LATS1: variants seen among roughly 807,000 people sequenced by gnomAD.
LATS1 encodes serine/threonine-protein kinase LATS1.
Under a neutral mutation model 106.6 loss-of-function variants are expected in LATS1, and 25 were observed. The ratio of observed to expected loss-of-function variants is 0.23; its 90% CI spans 0.17 to 0.33. The LOEUF is 0.33. Among genes scored for constraint, LATS1 ranks in the 10% least tolerant of loss-of-function variants. The probability of loss-of-function intolerance (pLI) is 1.00; values close to 1 mark genes in which losing one functional copy is unlikely to be tolerated. For synonymous variants in LATS1, 465 were observed against 455.6 expected (o/e 1.02, Z -0.26); for missense variants, 1,040 against 1,382.6 (o/e 0.75, Z 3.93).
Position 149,680,029 on chromosome 6 carries a change from G to A in LATS1, c.2439C>T (p.Thr813=), listed in dbSNP as rs1329595204. ...TTTTATGAACACTTTCAACTGCACA[G>A]GTAAGTTCTGCTATGTAGAATCGTG... ...SLARFYIAEL[T]CAVESVHKMG... Residue 813 remains threonine (T), a synonymous_variant, in exon 5 of 8, where the codon ACC becomes ACT. Coordinates refer to ENST00000543571, the MANE Select transcript of LATS1 (RefSeq NM_004690.4). 6.2e-7 allele frequency: 1 copy of A among 1,614,026 alleles called. No homozygotes were observed. Among genetic ancestry groups the A allele is most frequent in the Admixed American group, 1.7e-5 (1 of 59,988 alleles).
intron 3 of LATS1, among the ~76,000 whole-genome samples, chr6:149,689,971 T>TA (rs148115943): frequency 0.15 from 21,270 of 144,014 alleles, 1,976 homozygotes; most frequent in Non-Finnish European, 0.21. Context: ...AGTCTTTACT[T>TA]AAAAAAAAAA....
At chr6:149,701,018 G>A (rs1397057366) in intron 2 of LATS1, among the ~76,000 whole-genome samples, 1 of 152,172 alleles carries the variant, frequency 6.6e-6, no homozygotes, top group Admixed American at 6.6e-5. Context: ...CTTGACCTCA[G>A]ATGATCCACC....
At chr6:149,685,547 A>G (rs1439230151) in intron 3 of LATS1, among the ~76,000 whole-genome samples, 1 of 152,016 alleles carries the variant, frequency 6.6e-6, no homozygotes, top group Non-Finnish European at 1.5e-5. Flanking sequence ...CACCACGCCC[A>G]GCTAACTTTT....
At chr6:149,669,135 A>G (rs1224982645) in intron 7 of LATS1, among the ~76,000 whole-genome samples, 4 of 150,240 alleles carry the variant, frequency 2.7e-5, no homozygotes, top group Admixed American at 1.3e-4. Flanking sequence ...ATAAGGATTG[A>G]TTGATTGATT....
intron 7 of LATS1, chr6:149,675,898 TG>T (rs1460945013): frequency 4.5e-6 from 1 of 223,442 alleles, no homozygotes; most frequent in African/African-American, 2.3e-5. Context: ...ATGAGTATGC[TG>T]TATGAGTGAG....
intron 2 of LATS1, among the ~76,000 whole-genome samples, chr6:149,700,367 G>A (rs900600941): frequency 2.0e-5 from 3 of 152,062 alleles, no homozygotes; most frequent in African/African-American, 7.2e-5. Flanking sequence ...CAGCTACTCG[G>A]GAGGCTGAGG....
rs374395780 is a variant in LATS1 at position 149,695,158 on chromosome 6, T to C, written c.412A>G (p.Ile138Val). 1.2e-6 allele frequency: 2 copies of C among 1,612,310 alleles called. No homozygotes were observed. The highest frequency in any genetic ancestry group is 2.7e-5 in the African/African-American group (2 of 74,988). ...GGATCTTGGTAACTCATTTTACTAA[T>C]GAATTCAATTGCTGCTTCTATACTT... ...NRSIEAAIEF[I>V]SKMSYQDPRR... is the part of the protein sequence containing the mutation. The change falls in exon 3 of 8, where the codon ATT becomes GTT. Residue 138 changes from isoleucine (I) to valine (V), a missense_variant. Ile to Val is a conservative substitution (Grantham distance 29). This residue lies in a region of LATS1 where 624 missense variants were observed against 714.8 expected (regional missense o/e 0.87). Coordinates refer to ENST00000543571, the MANE Select transcript of LATS1 (RefSeq NM_004690.4).
chr6:149,673,339 T>C (rs968413909), intron 7 of LATS1, among the ~76,000 whole-genome samples: 47 of 151,726 alleles, frequency 3.1e-4, no homozygotes, highest in Admixed American at 1.3e-4. Context: ...GCTCAAGCAA[T>C]CCACCCGCCT....
At chr6:149,696,329 G>A (rs1783062962) in intron 2 of LATS1, among the ~76,000 whole-genome samples, 1 of 150,472 alleles carries the variant, frequency 6.6e-6, no homozygotes, top group Admixed American at 6.6e-5. Flanking sequence ...AGCACTCTGG[G>A]AGGCCGAGGC....
At chr6:149,716,146 T>C (rs201191628) in intron 1 of LATS1, 1 of 151,892 alleles carries the variant, frequency 6.6e-6, no homozygotes, top group East Asian at 1.9e-4. Context: ...AAAAAAATGA[T>C]ACCATTACAT....
chr6:149,704,887 TACACACACACACACACACACACAC>T (rs57029776), intron 1 of LATS1, among the ~76,000 whole-genome samples: 2 of 139,798 alleles, frequency 1.4e-5, no homozygotes, highest in African/African-American at 2.7e-5. Context: ...AAATTAATTA[TACACACACACACACACACACACAC>T]ACACACACAC....
rs769516965 is a variant in LATS1 at position 149,662,121 on chromosome 6, C to A, written c.3001G>T (p.Ala1001Ser). 2 of 1,613,972 alleles carry A rather than the reference C, an allele frequency of 1.2e-6. No homozygotes were observed. The highest frequency in any genetic ancestry group is 2.7e-5 in the African/African-American group (2 of 74,908). ...GPEDRLGKNG[A>S]DEIKAHPFFK... Reference sequence around the variant, plus strand: ...AATGGATGAGCTTTTATTTCATCAGCACCATTCTTGCCTAAGCGATCTTCG... The same window carrying A: ...AATGGATGAGCTTTTATTTCATCAGAACCATTCTTGCCTAAGCGATCTTCG... The change falls in exon 8 of 8, where the codon GCT (alanine) becomes TCT (serine). Residue 1001 changes from alanine to serine, a missense_variant. Around this residue, in one of 7 missense-constraint regions of LATS1, gnomAD observed 113 missense variants for 146.3 expected, o/e 0.77. Coordinates refer to ENST00000543571, the MANE Select transcript of LATS1 (RefSeq NM_004690.4).
At position 149,683,603 on chromosome 6, in the gene LATS1, G is replaced by C. The variant is rs569899538; in HGVS notation, c.1486C>G (p.Gln496Glu). 1.9e-6 allele frequency: 3 copies of C among 1,614,242 alleles called. No homozygotes were observed. In the South Asian group the frequency reaches 3.3e-5, roughly 18 times the overall value. Residue 496 changes from glutamine to glutamate, a missense_variant, in exon 4 of 8, where the codon CAG becomes GAG. Physicochemically the swap from Gln to Glu is conservative, Grantham distance 29 (BLOSUM62 2). Around this residue, in one of 7 missense-constraint regions of LATS1, gnomAD observed 624 missense variants for 714.8 expected, o/e 0.87. Transcript: ENST00000543571. Reference sequence around the variant, plus strand: ...AATACACGCATACTTTTCACAGGCTGTTGAATAGGAGCTGGTGTAATTGCA... The same window carrying C: ...AATACACGCATACTTTTCACAGGCTCTTGAATAGGAGCTGGTGTAATTGCA... Reference protein sequence around the residue: ...VTAITPAPIQQPVKSMRVLKP... With the variant: ...VTAITPAPIQEPVKSMRVLKP...
In LATS1 at chr6:149,659,076, T is replaced by C. The variant is rs1780797123; in HGVS notation, c.*2653A>G. The C allele has an allele frequency of 6.4e-6, 1 of 155,320 alleles. No individual in the cohort carries two copies. The highest frequency in any genetic ancestry group is 2.1e-4 in the South Asian group (1 of 4,868). The allele number at this position is 155,320 out of a possible 1,614,324, so 9.6% of individuals were successfully genotyped here. A position where few individuals can be genotyped will look rare whatever the true frequency, so the allele number is the denominator to read the frequency against. ...TGTAGTTTTGGAATAAGATAGCTGA[T>C]AAGTATATCCAAACTGTTAAAATTG... On this transcript the variant is annotated 3_prime_UTR_variant, in exon 8 of 8. Transcript: ENST00000543571.
At position 149,660,846 on chromosome 6, in the gene LATS1, T is replaced by C. The variant is rs1294336094; in HGVS notation, c.*883A>G. ...GTTCTGAAAGAGGAAACAGGTAACA[T>C]TGATGATATAATCAAAATAGTTACT... On this transcript the variant is annotated 3_prime_UTR_variant, in exon 8 of 8. Transcript: ENST00000543571. The C allele has an allele frequency of 4.7e-6, 1 of 212,566 alleles. No individual in the cohort carries two copies. Among genetic ancestry groups the C allele is most frequent in the Non-Finnish European group, 9.5e-6 (1 of 104,864 alleles). The allele number at this position is 212,566 out of a possible 1,614,324, so 13.2% of individuals were successfully genotyped here. A position where few individuals can be genotyped will look rare whatever the true frequency, so the allele number is the denominator to read the frequency against.
At chr6:149,675,478 T>C (rs1582857817) in intron 7 of LATS1, among the ~76,000 whole-genome samples, 5 of 152,076 alleles carry the variant, frequency 3.3e-5, no homozygotes, top group Admixed American at 6.5e-5. Context: ...GTAGTTTGCA[T>C]AGAAGGAGAC....
chr6:149,708,035 A>G (rs1783885459), intron 1 of LATS1, among the ~76,000 whole-genome samples: 1 of 152,226 alleles, frequency 6.6e-6, no homozygotes, highest in Admixed American at 6.5e-5. Flanking sequence ...AAAAAAGGAA[A>G]GGAAATGACT....
chr6:149,662,984 A>G (rs1478472639), intron 7 of LATS1, among the ~76,000 whole-genome samples: 4 of 151,386 alleles, frequency 2.6e-5, no homozygotes, highest in Admixed American at 6.6e-5. Context: ...AAAAAAAAAA[A>G]AAAGAAAAAT....
At chr6:149,667,679 C>CTT (rs1482447386) in intron 7 of LATS1, among the ~76,000 whole-genome samples, 1 of 152,018 alleles carries the variant, frequency 6.6e-6, no homozygotes, top group Non-Finnish European at 1.5e-5. Flanking sequence ...TGATCAAACA[C>CTT]ATAAACCTAC....
Sources: gnomAD v4.1 joint callset for allele counts (sites outside exome capture counted in the v4.1 genomes callset) on GRCh38, gnomAD v4.1.1 for gene constraint, gnomAD v4.1.1 regional missense constraint, MANE v1.5 for transcripts, NCBI Gene and HGNC (gene_info 2026-07-23, HGNC 2026-07-21) for gene names.